The following BAALC variants were observed in gnomAD, a reference collection of about 807,000 sequenced individuals.
The protein encoded by BAALC is brain and acute leukemia cytoplasmic protein.
In BAALC, 9 loss-of-function variants were observed where a neutral mutation model predicts 15.5. The observed-to-expected ratio is 0.58, with a 90% CI of 0.35 to 1.02. BAALC has a LOEUF of 1.02. Among genes scored for constraint, BAALC ranks in the 50% least tolerant of loss-of-function variants. The probability of loss-of-function intolerance (pLI) is 0.02; values close to 1 mark genes in which losing one functional copy is unlikely to be tolerated. For synonymous variants in BAALC, 80 were observed against 74.6 expected (o/e 1.07, Z -0.37); for missense variants, 201 against 192.4 (o/e 1.04, Z -0.27).
chr8:103,228,157 T>C lies in BAALC; in HGVS notation c.*58T>C. The C allele has an allele frequency of 8.2e-7, 1 of 1,218,062 alleles. No homozygotes were observed. Among genetic ancestry groups the C allele is most frequent in the Non-Finnish European group, 1.2e-6 (1 of 831,912 alleles). The allele number at this position is 1,218,062 out of a possible 1,614,324, so 75.5% of individuals were successfully genotyped here. On this transcript the variant is annotated 3_prime_UTR_variant, in exon 3 of 3. Transcript: ENST00000309982. ...CTTCAGTGTCCTTCACGGCACTGGA[T>C]CCCATCAAAGAACCTTGAAGAAGTG...
At chr8:103,192,130 C>T (rs1043225175) in intron 1 of BAALC, among the ~76,000 whole-genome samples, 2 of 152,208 alleles carry the variant, frequency 1.3e-5, no homozygotes, top group Non-Finnish European at 2.9e-5. Context: ...CAGCTCACCA[C>T]AACCTCTGCC....
At chr8:103,152,517 G>A (rs1037628879) in intron 1 of BAALC, among the ~76,000 whole-genome samples, 4 of 152,178 alleles carry the variant, frequency 2.6e-5, no homozygotes, top group Admixed American at 6.5e-5. Context: ...TGTCTTGTTC[G>A]TTTACTGTTT....
intron 1 of BAALC, among the ~76,000 whole-genome samples, chr8:103,144,960 A>G (rs1810849545): frequency 6.6e-6 from 1 of 152,194 alleles, no homozygotes; most frequent in South Asian, 2.1e-4. Context: ...CCCTCCTTTT[A>G]CAAGTGAGGA....
In BAALC at chr8:103,180,050, T is replaced by C. The variant is rs182377243; in HGVS notation, c.161-32869T>C. ...GGCCTGGGCCAGGTTCTGGGATTAC[T>C]GGGAGGCCCAGAAGACAATGATAAG... On this transcript the variant is annotated intron_variant, in intron 1 of 2. Transcript: ENST00000309982. Among the ~76,000 whole-genome samples, 553 of 152,284 alleles carry C rather than the reference T, an allele frequency of 3.6e-3. 1 individual carries two copies. Among genetic ancestry groups the C allele is most frequent in the Non-Finnish European group, 5.2e-3 (352 of 68,020 alleles).
At position 103,228,109 on chromosome 8, in the gene BAALC, C is replaced by T; in HGVS notation, c.*10C>T. The T allele has an allele frequency of 6.4e-7, 1 of 1,565,152 alleles. No homozygotes were observed. The highest frequency in any genetic ancestry group is 8.8e-7 in the Non-Finnish European group (1 of 1,136,630). On this transcript the variant is annotated 3_prime_UTR_variant, in exon 3 of 3. Transcript: ENST00000309982. ...GAACTGTGTCAACTAGCAGAGAGTC[C>T]AAGCAGAAGGGCAGATGGACTTCTT...
At chr8:103,195,564 G>T (rs1241555805) in intron 1 of BAALC, among the ~76,000 whole-genome samples, 1 of 152,130 alleles carries the variant, frequency 6.6e-6, no homozygotes, top group African/African-American at 2.4e-5. Context: ...AGGAGGGAGG[G>T]ATGAGTGGCT....
intron 1 of BAALC, among the ~76,000 whole-genome samples, chr8:103,156,614 C>A (rs181253238): frequency 2.0e-5 from 3 of 152,178 alleles, no homozygotes; most frequent in African/African-American, 7.2e-5. Flanking sequence ...TCTTCTGAGA[C>A]GGTGGAATGT....
intron 1 of BAALC, among the ~76,000 whole-genome samples, chr8:103,187,360 C>A (rs1449057248): frequency 6.6e-6 from 1 of 152,262 alleles, no homozygotes; most frequent in East Asian, 1.9e-4. Flanking sequence ...GGCATCCAGT[C>A]GGGTAGAGAC....
chr8:103,204,817 A>C (rs1419015200), intron 1 of BAALC, among the ~76,000 whole-genome samples: 1 of 152,244 alleles, frequency 6.6e-6, no homozygotes. Flanking sequence ...GTATGTGGCC[A>C]ACAATTTCTC....
intron 1 of BAALC, among the ~76,000 whole-genome samples, chr8:103,159,132 T>C (rs1268438878): frequency 6.6e-6 from 1 of 152,202 alleles, no homozygotes; most frequent in Non-Finnish European, 1.5e-5. Flanking sequence ...AATTCTGGTT[T>C]GCTTTTTCAG....
chr8:103,195,576 G>A (rs1812075757), intron 1 of BAALC, among the ~76,000 whole-genome samples: 4 of 152,120 alleles, frequency 2.6e-5, no homozygotes, highest in African/African-American at 7.2e-5. Context: ...TGAGTGGCTG[G>A]CACCCTATGA....
chr8:103,172,184 CT>C (rs36082550), intron 1 of BAALC: 45,295 of 149,068 alleles, frequency 0.3, 6,929 homozygotes, highest in East Asian at 0.42. Flanking sequence ...ACCTTGGGTC[CT>C]TTTTTTTTTA....
chr8:103,168,927 G>T (rs917897556), intron 1 of BAALC, among the ~76,000 whole-genome samples: 2 of 151,876 alleles, frequency 1.3e-5, no homozygotes, highest in African/African-American at 4.8e-5. Flanking sequence ...TAGTTTGGCG[G>T]GGTATAAAAT....
At chr8:103,202,879 C>A (rs767550946) in intron 1 of BAALC, 11 of 152,256 alleles carry the variant, frequency 7.2e-5, no homozygotes, top group Non-Finnish European at 1.6e-4. Flanking sequence ...CTGAGAGGAG[C>A]AAAGGGAGAG....
intron 1 of BAALC, among the ~76,000 whole-genome samples, chr8:103,188,693 C>T (rs1391917593): frequency 1.3e-5 from 2 of 152,172 alleles, no homozygotes; most frequent in South Asian, 4.1e-4. Flanking sequence ...GTTTTCATAG[C>T]CCAGTAATCA....
In BAALC at chr8:103,173,273, C is replaced by T. The variant is rs567273014; in HGVS notation, c.160+32216C>T. On this transcript the variant is annotated intron_variant, in intron 1 of 2. Transcript: ENST00000309982. Reference sequence around the variant, plus strand: ...CTGTTTCCATCACAGGGCTCCTGCACGGGTGATGATTCAATTCTCTCACCC... The same window carrying T: ...CTGTTTCCATCACAGGGCTCCTGCATGGGTGATGATTCAATTCTCTCACCC... Among the ~76,000 whole-genome samples the T allele has an allele frequency of 4.6e-3, 705 of 152,250 alleles. 8 individuals are homozygous for T. Among genetic ancestry groups the T allele is most frequent in the Non-Finnish European group, 6.9e-3 (471 of 68,016 alleles).
intron 1 of BAALC, among the ~76,000 whole-genome samples, chr8:103,161,124 A>G (rs1022677432): frequency 2.0e-5 from 3 of 152,130 alleles, no homozygotes; most frequent in Non-Finnish European, 4.4e-5. Flanking sequence ...ATTTCAGTTT[A>G]ATTTTGTTTT....
At chr8:103,154,556 T>A (rs1190841787) in intron 1 of BAALC, 2 of 154,188 alleles carry the variant, frequency 1.3e-5, no homozygotes, top group African/African-American at 4.8e-5. Flanking sequence ...ATCTACTGAA[T>A]ACAAATGTCT....
intron 1 of BAALC, among the ~76,000 whole-genome samples, chr8:103,196,203 G>A (rs1812092857): frequency 6.6e-6 from 1 of 152,202 alleles, no homozygotes; most frequent in African/African-American, 2.4e-5. Context: ...ATAGGGATCG[G>A]TATGTCTATC....
Sources: allele counts gnomAD v4.1 joint callset (sites outside exome capture counted in the v4.1 genomes callset), GRCh38; gene constraint gnomAD v4.1.1; transcripts MANE v1.5; gene names NCBI Gene and HGNC (gene_info 2026-07-23, HGNC 2026-07-21).